CCBE1: variants seen among roughly 807,000 people sequenced by gnomAD.
The protein encoded by CCBE1 is collagen and calcium binding EGF domains 1, also known as collagen and calcium-binding EGF domain-containing protein 1.
A neutral mutation model predicts 50.0 loss-of-function variants in CCBE1; 37 were observed. The observed-to-expected ratio is 0.74, with a 90% CI of 0.57 to 0.97. The LOEUF is 0.97. Ranked by LOEUF, CCBE1 falls within the 50% of genes least tolerant of loss-of-function variation. The pLI is 0.00. For missense variants in CCBE1, 538 were observed against 523.8 expected (o/e 1.03, Z -0.26); for synonymous variants, 234 against 203.7 (o/e 1.15, Z -1.27).
chr18:59,450,734 T>C (rs1255459326), intron 6 of CCBE1, among the ~76,000 whole-genome samples: 1 of 152,210 alleles, frequency 6.6e-6, no homozygotes, highest in African/African-American at 2.4e-5. Flanking sequence ...GGGGTTTCAC[T>C]ATGTTGGCCA....
At chr18:59,436,919 C>T (rs1217612986) in intron 10 of CCBE1, among the ~76,000 whole-genome samples, 2 of 152,058 alleles carry the variant, frequency 1.3e-5, no homozygotes, top group Non-Finnish European at 2.9e-5. Flanking sequence ...CTGCAGTGAG[C>T]CAAGATTGTG....
At chr18:59,510,560 T>C (rs1371342399) in intron 2 of CCBE1, among the ~76,000 whole-genome samples, 2 of 152,114 alleles carry the variant, frequency 1.3e-5, no homozygotes, top group Non-Finnish European at 2.9e-5. Context: ...TAGCTGGGAT[T>C]ATAGGTGCCC....
At chr18:59,472,256 T>A (rs1476176775) in intron 3 of CCBE1, among the ~76,000 whole-genome samples, 1 of 152,246 alleles carries the variant, frequency 6.6e-6, no homozygotes, top group Non-Finnish European at 1.5e-5. Flanking sequence ...CTTCTCTTTG[T>A]TTCCCTAGCC....
intron 7 of CCBE1, 49 bp downstream of exon 7, chr18:59,447,934 A>C (rs750613651): frequency 4.3e-6 from 7 of 1,612,804 alleles, no homozygotes; most frequent in Non-Finnish European, 2.5e-6. Flanking sequence ...AGCTTTTGGC[A>C]GGCTTTTTCT....
chr18:59,550,866 G>A (rs964147658), intron 2 of CCBE1, among the ~76,000 whole-genome samples: 16 of 151,502 alleles, frequency 1.1e-4, no homozygotes, highest in South Asian at 6.3e-4. Context: ...TTAACCGGGC[G>A]TGGTGGTGGG....
intron 6 of CCBE1, among the ~76,000 whole-genome samples, chr18:59,452,053 T>G (rs1346687119): frequency 6.6e-5 from 10 of 152,216 alleles, no homozygotes; most frequent in Non-Finnish European, 2.9e-5. Flanking sequence ...ATAGGTCCTT[T>G]AAGTTTCCTG....
intron 2 of CCBE1, among the ~76,000 whole-genome samples, chr18:59,647,880 T>C (rs2054075639): frequency 6.6e-6 from 1 of 152,228 alleles, no homozygotes; most frequent in Admixed American, 6.5e-5. Context: ...TGTATGATTG[T>C]GTAGGAGGGA....
intron 2 of CCBE1, among the ~76,000 whole-genome samples, chr18:59,687,006 G>A (rs530446701): frequency 5.3e-5 from 8 of 152,282 alleles, no homozygotes; most frequent in African/African-American, 1.9e-4. Context: ...ACCTGCAGTT[G>A]GTTCAACAAG....
chr18:59,654,291 TG>T (rs997564833), intron 2 of CCBE1, among the ~76,000 whole-genome samples: 3 of 152,192 alleles, frequency 2.0e-5, no homozygotes, highest in Non-Finnish European at 2.9e-5. Context: ...GCACAGGTTT[TG>T]TTTGGGCACA....
At chr18:59,557,406 G>A (rs2052669828) in intron 2 of CCBE1, among the ~76,000 whole-genome samples, 1 of 152,046 alleles carries the variant, frequency 6.6e-6, no homozygotes, top group Admixed American at 6.5e-5. Context: ...CTGAGGCAGG[G>A]AACTTCAGGC....
chr18:59,442,324 A>G (rs1423453145), intron 7 of CCBE1, among the ~76,000 whole-genome samples: 1 of 152,198 alleles, frequency 6.6e-6, no homozygotes, highest in African/African-American at 2.4e-5. Context: ...TTCATTGTAC[A>G]TGCTTGCAGT....
At chr18:59,501,268 G>C (rs644887) in intron 2 of CCBE1, among the ~76,000 whole-genome samples, 1 of 151,618 alleles carries the variant, frequency 6.6e-6, no homozygotes, top group Non-Finnish European at 1.5e-5. Context: ...GGGCTGCTTC[G>C]TCCTCCATAG....
At chr18:59,539,087 G>A (rs932808235) in intron 2 of CCBE1, among the ~76,000 whole-genome samples, 1 of 152,000 alleles carries the variant, frequency 6.6e-6, no homozygotes, top group African/African-American at 2.4e-5. Context: ...GAAGCAGGAG[G>A]ACCGCTTGAG....
chr18:59,584,259 C>T (rs2053141330), intron 2 of CCBE1, among the ~76,000 whole-genome samples: 1 of 149,522 alleles, frequency 6.7e-6, no homozygotes, highest in South Asian at 2.1e-4. Flanking sequence ...GACAAAAAAC[C>T]AAACACCACA....
intron 2 of CCBE1, among the ~76,000 whole-genome samples, chr18:59,612,820 TTTTTTGTTTTTTTTTGTTTTTGTTTTTG>T (rs1346983513): frequency 3.5e-5 from 4 of 114,134 alleles, no homozygotes; most frequent in Admixed American, 2.8e-4. Context: ...CAAGGGTTTT[TTTTTTGTTTTTTTTTGTTTTTGTTTTTG>T]TTTTTTTTAA....
At chr18:59,439,470 AC>A in intron 9 of CCBE1, 72 bp downstream of exon 9, 2 of 1,585,726 alleles carry the variant, frequency 1.3e-6, no homozygotes, top group Non-Finnish European at 1.7e-6. Context: ...ATCTCAAAAA[AC>A]AAAAACAAAA....
At chr18:59,474,451 T>C (rs1301426918) in intron 3 of CCBE1, among the ~76,000 whole-genome samples, 1 of 152,232 alleles carries the variant, frequency 6.6e-6, no homozygotes, top group Non-Finnish European at 1.5e-5. Flanking sequence ...TTCCTTGGGT[T>C]GTCTAGAATG....
chr18:59,560,065 G>T (rs1218598898), intron 2 of CCBE1, among the ~76,000 whole-genome samples: 1 of 152,214 alleles, frequency 6.6e-6, no homozygotes, highest in Non-Finnish European at 1.5e-5. Context: ...TCTCTTGCAG[G>T]TTTAGAAGCA....
intron 2 of CCBE1, among the ~76,000 whole-genome samples, chr18:59,679,959 C>A (rs961133396): frequency 6.6e-6 from 1 of 152,194 alleles, no homozygotes; most frequent in African/African-American, 2.4e-5. Context: ...CACAGTTGTT[C>A]ATGCCTGTAA....
Sources: allele counts gnomAD v4.1 joint callset (sites outside exome capture counted in the v4.1 genomes callset), GRCh38; gene constraint gnomAD v4.1.1; transcripts MANE v1.5; gene names NCBI Gene and HGNC (gene_info 2026-07-23, HGNC 2026-07-21).